TMEM232: variants seen among roughly 807,000 people sequenced by gnomAD.
TMEM232 encodes transmembrane protein 232.
TMEM232 carries 80 observed loss-of-function variants against 78.8 expected under a neutral mutation model. That is an observed-to-expected ratio of 1.01 (90% CI 0.85 to 1.22). The LOEUF is 1.22. Ranked by LOEUF, TMEM232 falls within the 50% of genes most tolerant of loss-of-function variation. The probability of loss-of-function intolerance (pLI) is 0.00; values close to 1 mark genes in which losing one functional copy is unlikely to be tolerated. For synonymous variants in TMEM232, 297 were observed against 254.3 expected (o/e 1.17, Z -1.60); for missense variants, 881 against 742.2 (o/e 1.19, Z -2.17).
At chr5:110,728,720 A>ATG (rs1336956751), upstream of TMEM232, among the ~76,000 whole-genome samples, 1 of 150,724 alleles carries the variant, frequency 6.6e-6, no homozygotes, top group East Asian at 1.9e-4. Context: ...ATACCTATAT[A>ATG]TATATAATCC....
At chr5:110,707,436 A>C (rs115075356) in intron 1 of TMEM232, among the ~76,000 whole-genome samples, 1,852 of 152,306 alleles carry the variant, frequency 0.012, 47 homozygotes, top group African/African-American at 0.042. Context: ...GCACAGCCAG[A>C]ACCTGTGCAT....
At chr5:110,567,350 T>C (rs1776459356) in intron 11 of TMEM232, among the ~76,000 whole-genome samples, 1 of 151,788 alleles carries the variant, frequency 6.6e-6, no homozygotes, top group Admixed American at 6.6e-5. Flanking sequence ...AACATGGTTA[T>C]AGCATGTATG....
chr5:110,717,735 A>T (rs1185813885), intron 1 of TMEM232, among the ~76,000 whole-genome samples: 2 of 152,066 alleles, frequency 1.3e-5, no homozygotes, highest in South Asian at 4.1e-4. Context: ...TGAGGGAGTT[A>T]TCAGGAGATG....
At chr5:110,720,085 G>T (rs1457991822) in intron 1 of TMEM232, among the ~76,000 whole-genome samples, 1 of 152,036 alleles carries the variant, frequency 6.6e-6, no homozygotes, top group Non-Finnish European at 1.5e-5. Flanking sequence ...TGAACCTTAT[G>T]TTTCAAATAA....
intron 1 of TMEM232, among the ~76,000 whole-genome samples, chr5:110,693,184 A>G (rs1794346207): frequency 6.6e-6 from 1 of 152,206 alleles, no homozygotes; most frequent in South Asian, 2.1e-4. Flanking sequence ...GCTGACACCC[A>G]GGCAAACAGG....
In TMEM232 at chr5:110,484,786, TAA is replaced by T. The variant is rs372068790; in HGVS notation, c.1703+43800_1703+43801del. On this transcript the variant is annotated intron_variant, in intron 12 of 13. Coordinates refer to ENST00000455884, the MANE Select transcript of TMEM232 (RefSeq NM_001039763.4). ...TGTTATATATTCTCATAAAAATATA[TAA>T]GTTATAAATATGTGTACATCTAATA... Among the ~76,000 whole-genome samples, 1,187 of 152,162 alleles carry T rather than the reference TAA, an allele frequency of 7.8e-3. 7 individuals carry two copies. Among genetic ancestry groups the T allele is most frequent in the Non-Finnish European group, 9.3e-3 (635 of 67,992 alleles).
At chr5:110,415,436 G>A (rs311704), downstream of TMEM232, among the ~76,000 whole-genome samples, 1 of 150,878 alleles carries the variant, frequency 6.6e-6, no homozygotes, top group African/African-American at 2.4e-5. Flanking sequence ...TTCCACCCAC[G>A]TTGGCCTCCC....
At chr5:110,681,878 T>C (rs1188981041) in intron 1 of TMEM232, among the ~76,000 whole-genome samples, 1 of 152,104 alleles carries the variant, frequency 6.6e-6, no homozygotes, top group African/African-American at 2.4e-5. Flanking sequence ...CTCGGGAGAG[T>C]TATATGCATA....
rs1046063232 is a variant in TMEM232 at position 110,605,609 on chromosome 5, C to G, written c.1027-251G>C. ...GCAGTCAATGGAATGTAAATTAATT[C>G]AATGAGATACTATTTTCCATATCAT... On this transcript the variant is annotated intron_variant, in intron 9 of 13. Coordinates refer to ENST00000455884, the MANE Select transcript of TMEM232 (RefSeq NM_001039763.4). Among the ~76,000 whole-genome samples, 26 of 152,046 alleles carry G rather than the reference C, an allele frequency of 1.7e-4. 1 individual carries two copies. Among genetic ancestry groups the G allele is most frequent in the Non-Finnish European group, 2.9e-5 (2 of 67,988 alleles).
chr5:110,515,184 A>G (rs72788441), intron 12 of TMEM232, among the ~76,000 whole-genome samples: 23,777 of 152,190 alleles, frequency 0.16, 2,387 homozygotes, highest in African/African-American at 0.28. Flanking sequence ...TAAGGGTAGT[A>G]CTTCACATAG....
chr5:110,597,683 A>G (rs1401656839), intron 10 of TMEM232, among the ~76,000 whole-genome samples: 3 of 151,844 alleles, frequency 2.0e-5, no homozygotes, highest in African/African-American at 7.3e-5. Context: ...TCAATGGAAC[A>G]GAACAGAGCC....
chr5:110,438,464 T>A (rs1384880337), intron 12 of TMEM232, among the ~76,000 whole-genome samples: 1 of 151,928 alleles, frequency 6.6e-6, no homozygotes, highest in Non-Finnish European at 1.5e-5. Context: ...GTGATGCTTT[T>A]TTTCATTAAG....
intron 11 of TMEM232, among the ~76,000 whole-genome samples, chr5:110,535,019 C>T (rs1772110107): frequency 6.6e-6 from 1 of 152,070 alleles, no homozygotes; most frequent in African/African-American, 2.4e-5. Context: ...CCCTGAGAAA[C>T]ATCACCCATT....
At chr5:110,736,877 C>T (rs931587374) in intron 1 of TMEM232, among the ~76,000 whole-genome samples, 2 of 151,934 alleles carry the variant, frequency 1.3e-5, no homozygotes. Context: ...AGTTTGCTAT[C>T]GGGGCGTTTC....
intron 10 of TMEM232, among the ~76,000 whole-genome samples, chr5:110,598,589 TG>T (rs1320028702): frequency 6.6e-6 from 1 of 151,982 alleles, no homozygotes; most frequent in African/African-American, 2.4e-5. Context: ...CTATTCACAA[TG>T]GCAAAGACTT....
At chr5:110,533,404 C>G (rs767685667) in intron 11 of TMEM232, among the ~76,000 whole-genome samples, 6 of 152,192 alleles carry the variant, frequency 3.9e-5, no homozygotes, top group Non-Finnish European at 7.3e-5. Context: ...AATTCCTACA[C>G]AAGAGCCAGG....
At chr5:110,685,136 TAAC>T (rs1793237645) in intron 1 of TMEM232, among the ~76,000 whole-genome samples, 1 of 151,758 alleles carries the variant, frequency 6.6e-6, no homozygotes, top group African/African-American at 2.4e-5. Flanking sequence ...AAAAAAGAAA[TAAC>T]AATGAAATTT....
intron 11 of TMEM232, 146 bp from the exon 12 acceptor site, chr5:110,528,981 A>C (rs1419130684): frequency 2.2e-6 from 2 of 907,604 alleles, no homozygotes; most frequent in Admixed American, 4.4e-5. Context: ...TCTTTATAAA[A>C]AAATTGCAGT....
intron 11 of TMEM232, among the ~76,000 whole-genome samples, chr5:110,549,109 T>C (rs2149606047): frequency 6.6e-6 from 1 of 152,146 alleles, no homozygotes; most frequent in South Asian, 2.1e-4. Flanking sequence ...AGGATATTAC[T>C]AAAATTACAT....
Sources: allele counts gnomAD v4.1 joint callset (sites outside exome capture counted in the v4.1 genomes callset), GRCh38; gene constraint gnomAD v4.1.1; transcripts MANE v1.5; gene names NCBI Gene and HGNC (gene_info 2026-07-23, HGNC 2026-07-21).